EXOC4: variants seen among roughly 807,000 people sequenced by gnomAD.
EXOC4 encodes SEC8-like 1.
EXOC4 carries 71 observed loss-of-function variants against 107.2 expected under a neutral mutation model. The ratio of observed to expected loss-of-function variants is 0.66; its 90% CI spans 0.55 to 0.81. EXOC4 has a LOEUF of 0.81. EXOC4 is among the 30% of genes least tolerant of loss of function. EXOC4 has a pLI of 0.00. For missense variants in EXOC4, 1,108 were observed against 1,189.6 expected, an observed-to-expected ratio of 0.93 and a Z score of 1.01; for synonymous variants, 456 against 441.2, an observed-to-expected ratio of 1.03 and a Z score of -0.42.
intron 10 of EXOC4, among the ~76,000 whole-genome samples, chr7:133,705,806 G>A (rs1794756531): frequency 6.6e-6 from 1 of 152,180 alleles, no homozygotes; most frequent in Admixed American, 6.5e-5. Flanking sequence ...GACAGAGTGG[G>A]ACAGCATGAG....
intron 7 of EXOC4, among the ~76,000 whole-genome samples, chr7:133,446,792 T>C (rs1387188192): frequency 6.6e-6 from 1 of 152,242 alleles, no homozygotes; most frequent in Non-Finnish European, 1.5e-5. Context: ...TAACTACCGC[T>C]GCTTTTTTCA....
chr7:133,610,776 T>G (rs1051616831), intron 9 of EXOC4, among the ~76,000 whole-genome samples: 3 of 151,950 alleles, frequency 2.0e-5, no homozygotes, highest in Non-Finnish European at 4.4e-5. Context: ...ATAAAAATTT[T>G]ACTAAGAACT....
At chr7:133,302,758 A>T (rs927010586) in intron 3 of EXOC4, among the ~76,000 whole-genome samples, 1 of 152,084 alleles carries the variant, frequency 6.6e-6, no homozygotes, top group Non-Finnish European at 1.5e-5. Flanking sequence ...AATTTCTTAT[A>T]GCAGCTACCT....
At chr7:133,670,565 A>G (rs561891196) in intron 10 of EXOC4, among the ~76,000 whole-genome samples, 4 of 150,850 alleles carry the variant, frequency 2.7e-5, no homozygotes, top group African/African-American at 7.2e-5. Flanking sequence ...GCCTCCAGAA[A>G]CTCTTTCCTA....
chr7:133,424,597 A>C (rs188712552), intron 7 of EXOC4, among the ~76,000 whole-genome samples: 1 of 152,252 alleles, frequency 6.6e-6, no homozygotes, highest in Admixed American at 6.5e-5. Flanking sequence ...TAACTACTCA[A>C]TGAATAAATG....
At chr7:134,076,794 C>A in the EXOC4 span, among the ~76,000 whole-genome samples, 1 of 151,816 alleles carries the variant, frequency 6.6e-6, no homozygotes. Flanking sequence ...TCAGCAGATA[C>A]ATGGAATCTT....
chr7:133,478,235 C>T (rs568491985), intron 8 of EXOC4, among the ~76,000 whole-genome samples: 6 of 151,086 alleles, frequency 4.0e-5, no homozygotes, highest in South Asian at 2.1e-4. Context: ...CAACCATCAC[C>T]GCTGACTTTC....
intron 13 of EXOC4, among the ~76,000 whole-genome samples, chr7:133,923,214 C>T (rs553318391): frequency 1.1e-4 from 16 of 151,266 alleles, no homozygotes; most frequent in African/African-American, 2.9e-4. Flanking sequence ...CTGCAACTGC[C>T]ACCTTCTGGT....
intron 7 of EXOC4, among the ~76,000 whole-genome samples, chr7:133,430,310 T>C (rs1330183443): frequency 6.6e-6 from 1 of 152,152 alleles, no homozygotes. Flanking sequence ...GGGTACAAGA[T>C]GTGGGGCATG....
At chr7:133,385,578 A>G (rs1796709875) in intron 7 of EXOC4, among the ~76,000 whole-genome samples, 1 of 152,218 alleles carries the variant, frequency 6.6e-6, no homozygotes, top group African/African-American at 2.4e-5. Flanking sequence ...GAGTAGTTAC[A>G]CTTTGTCACT....
At chr7:133,937,042 C>T (rs1294632510) in intron 13 of EXOC4, among the ~76,000 whole-genome samples, 1 of 152,188 alleles carries the variant, frequency 6.6e-6, no homozygotes, top group Admixed American at 6.5e-5. Flanking sequence ...TGAGTCCTAG[C>T]TTTGCCACTC....
At chr7:133,365,887 A>T (rs577088868) in intron 6 of EXOC4, among the ~76,000 whole-genome samples, 1 of 152,346 alleles carries the variant, frequency 6.6e-6, no homozygotes, top group East Asian at 1.9e-4. Flanking sequence ...TATAAAGTCT[A>T]CGCTCTGAGT....
At position 133,811,963 on chromosome 7, in the gene EXOC4, T is replaced by C. The variant is rs554093499; in HGVS notation, c.1515-5362T>C. 1.0e-3 allele frequency among the ~76,000 whole-genome samples: 154 copies of C among 152,278 alleles called. 1 individual carries two copies. Among genetic ancestry groups the C allele is most frequent in the African/African-American group, 3.6e-3 (148 of 41,558 alleles). Reference sequence around the variant, plus strand: ...CTACAAGTCTACTGTGTGCCAGTCATAGAGTAGCACTACTAGGCATGAAGG... The same window carrying C: ...CTACAAGTCTACTGTGTGCCAGTCACAGAGTAGCACTACTAGGCATGAAGG... On this transcript the variant is annotated intron_variant, in intron 10 of 17. Coordinates refer to ENST00000253861, the MANE Select transcript of EXOC4 (RefSeq NM_021807.4).
chr7:133,493,403 C>T (rs1468411146), intron 9 of EXOC4, among the ~76,000 whole-genome samples: 1 of 152,206 alleles, frequency 6.6e-6, no homozygotes, highest in Non-Finnish European at 1.5e-5. Flanking sequence ...CACCATTGCA[C>T]TCCGGCCTGG....
intron 12 of EXOC4, among the ~76,000 whole-genome samples, chr7:133,904,853 A>G (rs1448099141): frequency 2.6e-5 from 4 of 152,138 alleles, no homozygotes; most frequent in African/African-American, 7.2e-5. Context: ...GACTCTGAAG[A>G]TGCAAAGTGT....
intron 9 of EXOC4, among the ~76,000 whole-genome samples, chr7:133,614,526 A>G (rs1381406291): frequency 6.6e-6 from 1 of 152,132 alleles, no homozygotes; most frequent in African/African-American, 2.4e-5. Context: ...TCAGGGAATC[A>G]TAAAGACCTT....
intron 9 of EXOC4, among the ~76,000 whole-genome samples, chr7:133,561,506 T>TTTCC: frequency 6.6e-6 from 1 of 152,134 alleles, no homozygotes; most frequent in East Asian, 1.9e-4. Context: ...TATAGTGTGT[T>TTTCC]TTCCTTCATT....
At chr7:134,081,816 G>A in the EXOC4 span, among the ~76,000 whole-genome samples, 3 of 152,302 alleles carry the variant, frequency 2.0e-5, no homozygotes, top group East Asian at 1.9e-4. Context: ...GGAGGTGAAG[G>A]AGGTGATGAT....
intron 9 of EXOC4, among the ~76,000 whole-genome samples, chr7:133,494,508 T>C (rs1799435630): frequency 6.6e-6 from 1 of 152,240 alleles, no homozygotes; most frequent in Admixed American, 6.5e-5. Context: ...TTATCTACCA[T>C]TTCTAGATTA....
Sources: gnomAD v4.1 joint callset for allele counts (sites outside exome capture counted in the v4.1 genomes callset) on GRCh38, gnomAD v4.1.1 for gene constraint, MANE v1.5 for transcripts, NCBI Gene and HGNC (gene_info 2026-07-23, HGNC 2026-07-21) for gene names.